VTCN1: variants seen among roughly 807,000 people sequenced by gnomAD.
The protein encoded by VTCN1 is V-set domain-containing T-cell activation inhibitor 1.
In VTCN1, 26 loss-of-function variants were observed where a neutral mutation model predicts 26.5. The observed-to-expected ratio is 0.98, with a 90% CI of 0.72 to 1.36. The LOEUF is 1.36. VTCN1 is among the 40% of genes most tolerant of loss of function. VTCN1 has a pLI of 0.00. For synonymous variants in VTCN1, 116 were observed against 130.7 expected (o/e 0.89, Z 0.77); for missense variants, 298 against 337.7 (o/e 0.88, Z 0.92).
intron 1 of VTCN1, among the ~76,000 whole-genome samples, chr1:117,205,153 T>TAGAG (rs1158839070): frequency 2.7e-5 from 3 of 110,430 alleles, no homozygotes; most frequent in Non-Finnish European, 6.2e-5. Context: ...TTTATATATA[T>TAGAG]ATATAGAGAG....
chr1:117,153,792 G>A (rs989351678), intron 3 of VTCN1, among the ~76,000 whole-genome samples: 1 of 152,122 alleles, frequency 6.6e-6, no homozygotes, highest in Admixed American at 6.5e-5. Context: ...TAGGGAGAAG[G>A]AGAAAGAAGA....
intron 1 of VTCN1, among the ~76,000 whole-genome samples, chr1:117,176,746 G>A (rs1647371272): frequency 6.6e-6 from 1 of 152,188 alleles, no homozygotes; most frequent in Non-Finnish European, 1.5e-5. Flanking sequence ...ACAAACCAAC[G>A]AGGTGACTAG....
Position 117,183,790 on chromosome 1 carries a change from GA to G in VTCN1, c.33-13620del, listed in dbSNP as rs2101561907. 6.6e-6 allele frequency among the ~76,000 whole-genome samples: 1 copy of G among 152,088 alleles called. No homozygotes were observed. Among genetic ancestry groups the G allele is most frequent in the East Asian group, 1.9e-4 (1 of 5,176 alleles). ...AAATACTTGAAATGCTGAATAAAAA[GA>G]AAAAAATAAAAGACAAAACCACACA... On this transcript the variant is annotated intron_variant, in intron 1 of 5. Transcript: ENST00000369458. This position sits in a 1 kb window ranked among gnomAD's most constrained non-coding sequence, Gnocchi z 4.1.
chr1:117,175,118 A>C lies in VTCN1; in HGVS notation c.33-4947T>G, dbSNP rs377243809. 1.3e-5 allele frequency among the ~76,000 whole-genome samples: 2 copies of C among 152,204 alleles called. No homozygotes were observed. The highest frequency in any genetic ancestry group is 4.8e-5 in the African/African-American group (2 of 41,444). ...GCTGCCTTCTGCAGCATGTGAAAGA[A>C]ATTGGGCCTTTGTTAAAACATATGC... On this transcript the variant is annotated intron_variant, in intron 1 of 5. Coordinates refer to ENST00000369458, the MANE Select transcript of VTCN1 (RefSeq NM_024626.4). This position sits in a 1 kb window ranked among gnomAD's most constrained non-coding sequence, Gnocchi z 4.2.
At chr1:117,210,142 T>C (rs1171608807) in intron 1 of VTCN1, among the ~76,000 whole-genome samples, 3 of 152,086 alleles carry the variant, frequency 2.0e-5, no homozygotes, top group African/African-American at 7.2e-5. Flanking sequence ...AAGAGGCAAC[T>C]AGAATGTAGC....
At chr1:117,160,020 GCTGA>G (rs1450843606) in intron 2 of VTCN1, among the ~76,000 whole-genome samples, 1 of 152,216 alleles carries the variant, frequency 6.6e-6, no homozygotes, top group Non-Finnish European at 1.5e-5. Context: ...ACTGGGGGCT[GCTGA>G]CTGAGGACAC....
At chr1:117,181,541 C>G (rs1284840714) in intron 1 of VTCN1, among the ~76,000 whole-genome samples, 1 of 152,204 alleles carries the variant, frequency 6.6e-6, no homozygotes, top group East Asian at 1.9e-4. Context: ...AGAAGCAGGC[C>G]CATCCAGAGC....
intron 2 of VTCN1, among the ~76,000 whole-genome samples, chr1:117,157,639 G>A (rs1297104774): frequency 6.6e-6 from 1 of 152,016 alleles, no homozygotes; most frequent in African/African-American, 2.4e-5. Context: ...TTTGGGTGGG[G>A]ACACAGCCAA....
intron 1 of VTCN1, among the ~76,000 whole-genome samples, chr1:117,171,039 T>C (rs1652889572): frequency 6.6e-6 from 1 of 151,230 alleles, no homozygotes; most frequent in Non-Finnish European, 1.5e-5. Context: ...GTGTGTGATG[T>C]TCCCCTTCCT....
chr1:117,158,645 C>T (rs1399331795), intron 2 of VTCN1, among the ~76,000 whole-genome samples: 2 of 152,186 alleles, frequency 1.3e-5, no homozygotes, highest in African/African-American at 4.8e-5. Context: ...TAGGGATTAA[C>T]ATTCAGCTCC....
intron 1 of VTCN1, among the ~76,000 whole-genome samples, chr1:117,208,885 G>A (rs1001082419): frequency 2.0e-5 from 3 of 152,146 alleles, no homozygotes; most frequent in South Asian, 4.1e-4. Context: ...GCCCTTTCAT[G>A]AGCGTTCCAA....
chr1:117,157,092 G>GATATATATATAT lies in VTCN1; in HGVS notation c.98-183_98-172dup, dbSNP rs145887761. 143 of 561,548 alleles carry GATATATATATAT rather than the reference G, an allele frequency of 2.5e-4. 3 individuals are homozygous for GATATATATATAT. The highest frequency in any genetic ancestry group is 2.5e-3 in the African/African-American group (99 of 39,880). The allele number at this position is 561,548 out of a possible 1,614,324, so 34.8% of individuals were successfully genotyped here. On this transcript the variant is annotated intron_variant, in intron 2 of 5. Coordinates refer to ENST00000369458, the MANE Select transcript of VTCN1 (RefSeq NM_024626.4). ...GAAAGAGCAGGAAGACAATCATTTT[G>GATATATATATAT]ATATATATATATATATATATATAGC... is the stretch of plus-strand genomic sequence containing the variant.
At chr1:117,195,781 T>C (rs1310356400) in intron 1 of VTCN1, among the ~76,000 whole-genome samples, 1 of 152,202 alleles carries the variant, frequency 6.6e-6, no homozygotes, top group Non-Finnish European at 1.5e-5. Flanking sequence ...TTTGATCCAG[T>C]AATTCTACTT....
At position 117,187,895 on chromosome 1, in the gene VTCN1, A is replaced by AG. The variant is rs111859365; in HGVS notation, c.33-17725dup. ...AAAAGAAAAGAAAAAAACTAAAAAA[A>AG]GGGGGGATCTTTGACAATCATTTCC... is the stretch of plus-strand genomic sequence containing the variant. On this transcript the variant is annotated intron_variant, in intron 1 of 5. Transcript: ENST00000369458. Among the ~76,000 whole-genome samples the AG allele has an allele frequency of 3.4e-3, 513 of 152,266 alleles. 2 individuals carry two copies. The highest frequency in any genetic ancestry group is 0.012 in the African/African-American group (489 of 41,578).
At chr1:117,209,077 C>T (rs1027012981) in intron 1 of VTCN1, among the ~76,000 whole-genome samples, 1 of 152,162 alleles carries the variant, frequency 6.6e-6, no homozygotes, top group African/African-American at 2.4e-5. Context: ...TCCTGGAGGT[C>T]CCTTGCACAA....
Position 117,153,108 on chromosome 1 carries a change from CCT to C in VTCN1, c.705_706del (p.Asp237TyrfsTer74), listed in dbSNP as rs777418314. Reference sequence around the variant, plus strand: ...GAACCCACCTGTCACTTTGATATCCCCTGTTGCTTTGGCAATGTCATTTTCAA... The same window carrying C: ...GAACCCACCTGTCACTTTGATATCCCGTTGCTTTGGCAATGTCATTTTCAA... On this transcript the variant is annotated frameshift_variant, in exon 4 of 6. Transcript: ENST00000369458. LOFTEE classifies it high-confidence loss of function. 1.9e-6 allele frequency: 3 copies of C among 1,609,344 alleles called. No homozygotes were observed. The highest frequency in any genetic ancestry group is 2.2e-5 in the East Asian group (1 of 44,794).
intron 1 of VTCN1, among the ~76,000 whole-genome samples, chr1:117,207,980 C>T (rs535987783): frequency 3.3e-5 from 5 of 152,284 alleles, no homozygotes; most frequent in Admixed American, 6.5e-5. Flanking sequence ...GCTTGCTGCC[C>T]ACCTGAGACG....
At chr1:117,205,013 C>T (rs1049744672) in intron 1 of VTCN1, among the ~76,000 whole-genome samples, 2 of 148,562 alleles carry the variant, frequency 1.3e-5, no homozygotes, top group Non-Finnish European at 3.0e-5. Flanking sequence ...TATATATATG[C>T]GTATATATAC....
chr1:117,189,137 T>C lies in VTCN1; in HGVS notation c.33-18966A>G, dbSNP rs1292417666. On this transcript the variant is annotated intron_variant, in intron 1 of 5. Transcript: ENST00000369458. ...AAACTTCCTCTTAAAAAGACCCTCA[T>C]TACCAACTTCTACCCTTCTTATCAG... Among the ~76,000 whole-genome samples the C allele has an allele frequency of 2.6e-5, 4 of 152,288 alleles. No individual in the cohort carries two copies. In the South Asian group the frequency reaches 8.3e-4, roughly 32 times the overall value.
Sources: allele counts gnomAD v4.1 joint callset (sites outside exome capture counted in the v4.1 genomes callset), GRCh38; gene constraint gnomAD v4.1.1; non-coding constraint Gnocchi (gnomAD v3.1); transcripts MANE v1.5; gene names NCBI Gene and HGNC (gene_info 2026-07-23, HGNC 2026-07-21).